Variants in C5 observed in about 807,000 individuals in gnomAD.
C5 encodes C3 and PZP-like alpha-2-macroglobulin domain-containing protein 4.
A neutral mutation model predicts 218.8 loss-of-function variants in C5; 140 were observed. The ratio of observed to expected loss-of-function variants is 0.64; its 90% CI spans 0.56 to 0.74. The LOEUF is 0.74. Among genes scored for constraint, C5 ranks in the 30% least tolerant of loss-of-function variants. The probability of loss-of-function intolerance (pLI) is 0.00; values close to 1 mark genes in which losing one functional copy is unlikely to be tolerated. For synonymous variants in C5, 614 were observed against 682.3 expected, an observed-to-expected ratio of 0.90 and a Z score of 1.56; for missense variants, 1,700 against 1,969.6, an observed-to-expected ratio of 0.86 and a Z score of 2.59.
At chr9:121,020,278 AT>A in intron 11 of C5, 99 bp from the exon 12 acceptor site, 1 of 991,540 alleles carries the variant, frequency 1.0e-6, no homozygotes, top group South Asian at 1.3e-5. Context: ...AAATTTCTAA[AT>A]TTCACAATAA....
intron 27 of C5, among the ~76,000 whole-genome samples, chr9:120,981,589 C>G (rs934493330): frequency 1.8e-4 from 28 of 152,192 alleles, no homozygotes; most frequent in African/African-American, 4.8e-4. Context: ...ATTTATTAGC[C>G]TGTGACACTG....
chr9:120,998,227 C>T (rs2047133933), intron 20 of C5, among the ~76,000 whole-genome samples: 2 of 152,216 alleles, frequency 1.3e-5, no homozygotes, highest in Admixed American at 6.5e-5. Flanking sequence ...AAGTTCATTT[C>T]AGATTTCCTA....
rs201354178 is a variant in C5 at position 121,030,421 on chromosome 9, T to C, written c.734A>G (p.Asn245Ser). The C allele has an allele frequency of 9.9e-6, 15 of 1,520,660 alleles. No individual in the cohort carries two copies. In the East Asian group the frequency reaches 2.2e-4, roughly 22 times the overall value. The allele number at this position is 1,520,660 out of a possible 1,614,324, so 94.2% of individuals were successfully genotyped here. The stretch of plus-strand genomic sequence containing the variant: ...CCTTGCTTTTATAGTAATTTCAAAA[T>C]TCTTAAAGTTCTTGTAACCAATGAA... ...YNFIGYKNFK[N>S]FEITIKARYF... The change falls in exon 7 of 41, where the codon AAT becomes AGT. Residue 245 changes from asparagine to serine, a missense_variant. Transcript: ENST00000223642.
At chr9:121,055,768 A>C in the C5 span, among the ~76,000 whole-genome samples, 1 of 152,150 alleles carries the variant, frequency 6.6e-6, no homozygotes, top group Non-Finnish European at 1.5e-5. Flanking sequence ...GGCCTTGGTG[A>C]GCCCCAATAC....
chr9:120,959,703 A>G (rs781041814), intron 38 of C5, among the ~76,000 whole-genome samples: 1 of 152,262 alleles, frequency 6.6e-6, no homozygotes, highest in African/African-American at 2.4e-5. Flanking sequence ...AGACAAGGCT[A>G]CAACTGTACT....
At position 121,006,922 on chromosome 9, in the gene C5, C is replaced by T. The variant is rs17611; in HGVS notation, c.2404G>A (p.Val802Ile). The T allele has an allele frequency of 0.44, 711,244 of 1,604,840 alleles. 166,241 individuals carry two copies. The highest frequency in any genetic ancestry group is 0.63 in the South Asian group (57,475 of 90,822). Residue 802 changes from valine to isoleucine, a missense_variant, in exon 19 of 41, where the codon GTT (valine) becomes ATT (isoleucine). Transcript: ENST00000223642. ...TGCTTACCAGTGTTTGAAATGCCAACGCCTTGAATTTCCCAGGTGGTTAGA... is the reference window on the plus strand; with the variant it reads ...TGCTTACCAGTGTTTGAAATGCCAATGCCTTGAATTTCCCAGGTGGTTAGA... ...DSLTTWEIQG[V>I]GISNTGICVA...
At chr9:121,054,535 G>T (rs994502052), upstream of C5, among the ~76,000 whole-genome samples, 1 of 152,232 alleles carries the variant, frequency 6.6e-6, no homozygotes, top group Admixed American at 6.5e-5. Context: ...GGGAGGCAGA[G>T]GTTGCAGTGA....
intron 36 of C5, 21 bp downstream of exon 36, chr9:120,962,650 T>C: frequency 6.7e-7 from 1 of 1,490,334 alleles, no homozygotes; most frequent in South Asian, 1.1e-5. Flanking sequence ...TCTGAAGAAA[T>C]GTTAGCATGG....
intron 4 of C5, among the ~76,000 whole-genome samples, chr9:121,036,980 A>G (rs895453440): frequency 6.6e-6 from 1 of 151,926 alleles, no homozygotes; most frequent in African/African-American, 2.4e-5. Context: ...AACTAGTTGT[A>G]TTATTTTATT....
Position 120,953,881 on chromosome 9 carries a change from C to A in C5, c.4763-13G>T, listed in dbSNP as rs772165427. 1.9e-6 allele frequency: 3 copies of A among 1,613,678 alleles called. No individual in the cohort carries two copies. The highest frequency in any genetic ancestry group is 2.5e-6 in the Non-Finnish European group (3 of 1,179,632). ...GCAACAGCTTCCCCTGAGAGACATG[C>A]AAGTCAAGTAAGGTTATACCATTCA... is the stretch of plus-strand genomic sequence containing the variant. On this transcript the variant is annotated splice_polypyrimidine_tract_variant and intron_variant, in intron 39 of 40. Coordinates refer to ENST00000223642, the MANE Select transcript of C5 (RefSeq NM_001735.3).
chr9:121,012,450 G>A (rs551694252), intron 17 of C5, among the ~76,000 whole-genome samples: 8 of 152,222 alleles, frequency 5.3e-5, no homozygotes, highest in Admixed American at 5.2e-4. Context: ...GGAGGCGGAG[G>A]TTGCAGTGAG....
chr9:120,963,743 A>G lies in C5; in HGVS notation c.4221-5T>C, dbSNP rs544713450. The G allele has an allele frequency of 6.2e-7, 1 of 1,600,900 alleles. No individual in the cohort carries two copies. Among genetic ancestry groups the G allele is most frequent in the African/African-American group, 1.3e-5 (1 of 74,662 alleles). On this transcript the variant is annotated splice_polypyrimidine_tract_variant and splice_region_variant and intron_variant, in intron 33 of 40. Transcript: ENST00000223642. ...TCTTCCCTGCTGGGCTTGTAGCTAAAATAAAAAAGAGGTTAGAAAATATAA... is the reference window on the plus strand; with the variant it reads ...TCTTCCCTGCTGGGCTTGTAGCTAAGATAAAAAAGAGGTTAGAAAATATAA...
chr9:121,020,212 C>G (rs770068760), intron 11 of C5, 33 bp from the exon 12 acceptor site: 6 of 1,412,278 alleles, frequency 4.2e-6, no homozygotes. Flanking sequence ...GACATGTATA[C>G]TGTGATGTAA....
At chr9:121,002,210 A>ATATACGTATATATATATATGTATATATG (rs2047168744) in intron 20 of C5, among the ~76,000 whole-genome samples, 2 of 63,760 alleles carry the variant, frequency 3.1e-5, no homozygotes, top group African/African-American at 1.1e-4. Context: ...ATATATGTAT[A>ATATACGTATATATATATATGTATATATG]TATACGTATA....
upstream of C5, among the ~76,000 whole-genome samples, chr9:121,050,604 A>G (rs2047664747): frequency 6.6e-6 from 1 of 152,196 alleles, no homozygotes; most frequent in Non-Finnish European, 1.5e-5. Context: ...ATCATCTGCA[A>G]GCATACATCT....
chr9:121,070,364 A>G, the C5 span, among the ~76,000 whole-genome samples: 180 of 140,610 alleles, frequency 1.3e-3, no homozygotes, highest in Non-Finnish European at 2.2e-3. Context: ...AAAGAAAGAA[A>G]GAAGGAAGGA....
chr9:121,018,183 G>A (rs2047325355), intron 12 of C5, among the ~76,000 whole-genome samples: 1 of 146,220 alleles, frequency 6.8e-6, no homozygotes, highest in Non-Finnish European at 1.5e-5. Flanking sequence ...AGCCCGAGAG[G>A]TGAAGTTTGC....
At chr9:121,024,152 G>A (rs960575683) in intron 9 of C5, among the ~76,000 whole-genome samples, 5 of 135,248 alleles carry the variant, frequency 3.7e-5, no homozygotes, top group African/African-American at 1.4e-4. Flanking sequence ...CCCAGGAGGC[G>A]GAGGTTGCAT....
In C5 at chr9:120,963,691, A is replaced by G. The variant is rs2046844969; in HGVS notation, c.4268T>C (p.Val1423Ala). 5.0e-6 allele frequency: 8 copies of G among 1,613,906 alleles called. No homozygotes were observed. Among genetic ancestry groups the G allele is most frequent in the African/African-American group, 1.3e-5 (1 of 74,920 alleles). Reference protein sequence around the residue: ...EESSSGSSHAVMDISLPTGIS... With the variant: ...EESSSGSSHAAMDISLPTGIS... ...TCCAGTAGGCAAGGAGATGTCCATC[A>G]CCGCATGAGAGGATCCAGATGATGA... Residue 1423 changes from valine to alanine, a missense_variant, in exon 34 of 41, where the codon GTG becomes GCG. By Grantham distance (64) the Val-to-Ala change is moderately conservative. Transcript: ENST00000223642.
Sources: allele counts gnomAD v4.1 joint callset (sites outside exome capture counted in the v4.1 genomes callset), GRCh38; gene constraint gnomAD v4.1.1; transcripts MANE v1.5; gene names NCBI Gene and HGNC (gene_info 2026-07-23, HGNC 2026-07-21).